CDH18: variants seen among roughly 807,000 people sequenced by gnomAD.
CDH18 encodes the protein cadherin 18.
CDH18 carries 31 observed loss-of-function variants against 67.9 expected under a neutral mutation model. The ratio of observed to expected loss-of-function variants is 0.46; its 90% confidence interval spans 0.34 to 0.62. CDH18 has a LOEUF of 0.62. CDH18 is among the 20% of genes least tolerant of loss of function. CDH18 has a pLI of 0.01. For synonymous variants in CDH18, 362 were observed against 347.2 expected (o/e 1.04, Z -0.48); for missense variants, 890 against 975.5 (o/e 0.91, Z 1.17).
At chr5:20,069,991 T>G (rs1396156574) in intron 2 of CDH18, among the ~76,000 whole-genome samples, 2 of 152,180 alleles carry the variant, frequency 1.3e-5, no homozygotes, top group Non-Finnish European at 2.9e-5. Context: ...TACAATGATG[T>G]GTACTGGCCA....
At chr5:20,517,629 G>A (rs2126508309) in intron 1 of CDH18, among the ~76,000 whole-genome samples, 1 of 152,026 alleles carries the variant, frequency 6.6e-6, no homozygotes, top group Non-Finnish European at 1.5e-5. Flanking sequence ...TTAAAGCATA[G>A]TCTCTGCCTA....
rs1230863035 is a variant in CDH18, at chr5:19,471,879, C to A, written c.*1347G>T. Reference sequence around the variant, plus strand: ...AACTAGAAAATTAGATAAGCGTCTGCAAGCTTTTATGCAATTGAATACTTT... The same window carrying A: ...AACTAGAAAATTAGATAAGCGTCTGAAAGCTTTTATGCAATTGAATACTTT... On this transcript the variant is annotated 3_prime_UTR_variant, in exon 13 of 13. Coordinates refer to ENST00000382275, the MANE Select transcript of CDH18 (RefSeq NM_004934.5). Among the ~76,000 whole-genome samples, 1 of 152,076 alleles carries A rather than the reference C, an allele frequency of 6.6e-6. No individual in the cohort carries two copies. Among genetic ancestry groups the A allele is most frequent in the Non-Finnish European group, 1.5e-5 (1 of 68,020 alleles).
At chr5:19,943,024 C>T (rs1794972061) in intron 2 of CDH18, among the ~76,000 whole-genome samples, 1 of 152,096 alleles carries the variant, frequency 6.6e-6, no homozygotes, top group Admixed American at 6.6e-5. Context: ...CCTCTTTGAG[C>T]TTAGTTCTAT....
At chr5:19,833,754 C>T (rs1781310419) in intron 3 of CDH18, among the ~76,000 whole-genome samples, 1 of 152,054 alleles carries the variant, frequency 6.6e-6, no homozygotes, top group South Asian at 2.1e-4. Flanking sequence ...TTATCAAAGG[C>T]CTTTTCTCCA....
At chr5:20,004,932 A>T (rs1039332900) in intron 2 of CDH18, among the ~76,000 whole-genome samples, 1 of 152,168 alleles carries the variant, frequency 6.6e-6, no homozygotes, top group Admixed American at 6.5e-5. Context: ...GGGTGTGTCA[A>T]ATTCCACTAT....
intron 4 of CDH18, among the ~76,000 whole-genome samples, chr5:19,725,237 C>A (rs568826711): frequency 6.6e-6 from 1 of 152,116 alleles, no homozygotes; most frequent in South Asian, 2.1e-4. Flanking sequence ...ATATTAGGGA[C>A]TTTTTATGTG....
intron 1 of CDH18, among the ~76,000 whole-genome samples, chr5:20,475,539 T>C (rs1012180687): frequency 9.2e-5 from 14 of 152,290 alleles, no homozygotes; most frequent in South Asian, 2.1e-4. Context: ...CTGATTAGCT[T>C]TGACATATAG....
intron 2 of CDH18, among the ~76,000 whole-genome samples, chr5:20,034,670 C>T (rs761962458): frequency 6.6e-6 from 1 of 152,016 alleles, no homozygotes; most frequent in Non-Finnish European, 1.5e-5. Context: ...GGACCATAAA[C>T]TATTTGCTCT....
chr5:20,050,516 C>T (rs1322995132), intron 2 of CDH18, among the ~76,000 whole-genome samples: 3 of 151,864 alleles, frequency 2.0e-5, no homozygotes, highest in Non-Finnish European at 4.4e-5. Flanking sequence ...TAAATTAGTA[C>T]ATTTAATGCT....
chr5:19,741,258 T>TATAC (rs36185866), intron 4 of CDH18, among the ~76,000 whole-genome samples: 94,412 of 143,172 alleles, frequency 0.66, 35,481 homozygotes, highest in South Asian at 0.84. Context: ...TGTATATATG[T>TATAC]ATACATATAT....
At chr5:20,271,560 G>A (rs11747838) in intron 1 of CDH18, among the ~76,000 whole-genome samples, 17,758 of 151,870 alleles carry the variant, frequency 0.12, 1,577 homozygotes, top group African/African-American at 0.24. Context: ...CAATGATTAC[G>A]TGTTAATTAA....
At chr5:20,545,171 CTG>C (rs1199873139) in intron 1 of CDH18, among the ~76,000 whole-genome samples, 6 of 152,212 alleles carry the variant, frequency 3.9e-5, no homozygotes, top group African/African-American at 1.4e-4. Context: ...CCTTTGGCAA[CTG>C]TGCCTCTGTG....
At chr5:20,510,198 A>T (rs901893648) in intron 1 of CDH18, among the ~76,000 whole-genome samples, 13 of 151,894 alleles carry the variant, frequency 8.6e-5, no homozygotes, top group African/African-American at 2.2e-4. Context: ...TTCTTCTGAG[A>T]GATGTCTGTT....
chr5:19,483,373 C>T lies in CDH18; in HGVS notation c.1810G>A (p.Ala604Thr), dbSNP rs1438182001. 23 of 1,614,002 alleles carry T rather than the reference C, an allele frequency of 1.4e-5. No homozygotes were observed. Among genetic ancestry groups the T allele is most frequent in the African/African-American group, 2.7e-5 (2 of 74,920 alleles). Residue 604 changes from alanine to threonine, a missense_variant, in exon 12 of 13, where the codon GCC becomes ACC. Physicochemically the swap from Ala to Thr is moderately conservative, Grantham distance 58. This residue lies in a region of CDH18 where 656 missense variants were observed against 668.1 expected (regional missense o/e 0.98). Transcript: ENST00000382275. The part of the protein sequence containing the change: ...DGRVRTCHAE[A>T]FLSSAGLSTG... ...CTCAAACCAGCCGAGGACAGGAAGG[C>T]TTCTGCATGGCAGGTCCGCACACGC...
intron 1 of CDH18, among the ~76,000 whole-genome samples, chr5:20,542,927 A>C (rs1170557189): frequency 2.0e-5 from 3 of 152,034 alleles, no homozygotes; most frequent in Admixed American, 1.3e-4. Context: ...CAAACTTCAC[A>C]TTCCAATAAA....
chr5:19,711,109 G>T (rs1042653422), intron 5 of CDH18, among the ~76,000 whole-genome samples: 2 of 151,970 alleles, frequency 1.3e-5, no homozygotes, highest in Non-Finnish European at 2.9e-5. Context: ...TCTAAAGGTG[G>T]ATTAAGAGTT....
intron 2 of CDH18, among the ~76,000 whole-genome samples, chr5:20,069,764 C>A (rs1254748530): frequency 6.6e-6 from 1 of 152,098 alleles, no homozygotes; most frequent in Non-Finnish European, 1.5e-5. Flanking sequence ...AGGTTCACGG[C>A]AAAATTCAGA....
chr5:19,784,769 A>T (rs1775515910), intron 3 of CDH18, among the ~76,000 whole-genome samples: 1 of 152,156 alleles, frequency 6.6e-6, no homozygotes, highest in African/African-American at 2.4e-5. Context: ...ACTAACTAGG[A>T]GTCTGACACC....
intron 5 of CDH18, among the ~76,000 whole-genome samples, chr5:19,693,174 A>G (rs952866604): frequency 6.6e-6 from 1 of 151,996 alleles, no homozygotes; most frequent in Admixed American, 6.6e-5. Context: ...GTGCTCACTT[A>G]TATGTGGGAT....
Sources: allele counts gnomAD v4.1 joint callset (sites outside exome capture counted in the v4.1 genomes callset), GRCh38; gene constraint gnomAD v4.1.1; regional missense constraint gnomAD v4.1.1; transcripts MANE v1.5; gene names NCBI Gene and HGNC (gene_info 2026-07-23, HGNC 2026-07-21).